EML6: variants seen among roughly 807,000 people sequenced by gnomAD.
EML6 encodes the protein echinoderm microtubule-associated protein-like 6.
Under a neutral mutation model 240.1 loss-of-function variants are expected in EML6, and 154 were observed. The ratio of observed to expected loss-of-function variants is 0.64; its 90% CI spans 0.56 to 0.73. The LOEUF (loss-of-function observed/expected upper bound fraction) is 0.73. Among genes scored for constraint, EML6 ranks in the 30% least tolerant of loss-of-function variants. The pLI is 0.00. For synonymous variants in EML6, 1,148 were observed against 899.0 expected (o/e 1.28, Z -4.95); for missense variants, 2,964 against 2,474.6 (o/e 1.20, Z -4.20).
chr2:54,952,394 T>A (rs1676026810), intron 30 of EML6, among the ~76,000 whole-genome samples, 200 bp from the exon 31 acceptor site: 1 of 151,744 alleles, frequency 6.6e-6, no homozygotes, highest in Non-Finnish European at 1.5e-5. Context: ...GCTCCCCTTC[T>A]CCCAGACCCA....
intron 2 of EML6, among the ~76,000 whole-genome samples, chr2:54,790,205 A>G (rs1669356097): frequency 2.0e-5 from 3 of 152,230 alleles, no homozygotes; most frequent in South Asian, 4.1e-4. Context: ...TAATGAGCCA[A>G]TTGAAAAGCA....
chr2:54,757,065 T>G (rs953629339), intron 2 of EML6, among the ~76,000 whole-genome samples: 1 of 152,104 alleles, frequency 6.6e-6, no homozygotes, highest in Admixed American at 6.5e-5. Context: ...AAAAATTTAC[T>G]GAATTTTTCT....
chr2:54,760,231 A>G (rs1005173910), intron 2 of EML6, among the ~76,000 whole-genome samples: 1 of 151,262 alleles, frequency 6.6e-6, no homozygotes, highest in African/African-American at 2.4e-5. Context: ...ATTTTAGAAC[A>G]TTCCAAATGA....
intron 2 of EML6, among the ~76,000 whole-genome samples, chr2:54,730,792 A>C (rs1475527101): frequency 6.6e-6 from 1 of 152,104 alleles, no homozygotes; most frequent in Non-Finnish European, 1.5e-5. Context: ...GTTGGGTGTA[A>C]TTTATTCTTT....
chr2:54,847,646 G>A (rs1005354857), intron 9 of EML6, 23 bp downstream of exon 9: 6 of 1,550,228 alleles, frequency 3.9e-6, no homozygotes, highest in Non-Finnish European at 5.2e-6. Context: ...GTTGAAAATG[G>A]TATTTAGAAA....
chr2:54,752,375 A>G (rs1352028410), intron 2 of EML6, among the ~76,000 whole-genome samples: 4 of 152,216 alleles, frequency 2.6e-5, no homozygotes, highest in African/African-American at 4.8e-5. Context: ...TAGCAAGGTT[A>G]ATATACCCAT....
chr2:54,800,316 T>C (rs1302959919), intron 2 of EML6, among the ~76,000 whole-genome samples: 2 of 152,124 alleles, frequency 1.3e-5, no homozygotes, highest in Admixed American at 1.3e-4. Flanking sequence ...CAGATGTAGA[T>C]GTTAAAGGTA....
intron 2 of EML6, among the ~76,000 whole-genome samples, chr2:54,751,263 T>C (rs573251207): frequency 9.9e-5 from 15 of 152,264 alleles, no homozygotes; most frequent in Admixed American, 6.5e-4. Context: ...GGATTACTGG[T>C]GTGGAGGACA....
intron 28 of EML6, among the ~76,000 whole-genome samples, chr2:54,928,995 A>G (rs1250244080): frequency 6.7e-6 from 1 of 150,188 alleles, no homozygotes; most frequent in Non-Finnish European, 1.5e-5. Context: ...ATAGACATGA[A>G]ATTTAGTTGG....
At position 54,954,014 on chromosome 2, in the gene EML6, C is replaced by T. The variant is rs1558721985; in HGVS notation, c.4344C>T (p.Ala1448=). 1.0e-5 allele frequency: 16 copies of T among 1,551,840 alleles called. No individual in the cohort carries two copies. Among genetic ancestry groups the T allele is most frequent in the East Asian group, 2.4e-5 (1 of 40,914 alleles). ...GTTPSIHIWD[A]MTKHTLSMLR... ...CACCTTCCATCCACATATGGGACGC[C>T]ATGACCAAACACACCCTCTCCATGC... Residue 1448 remains alanine (A), a synonymous_variant, in exon 32 of 42, where the codon GCC becomes GCT. Coordinates refer to ENST00000356458, the MANE Select transcript of EML6 (RefSeq NM_001039753.4).
intron 2 of EML6, among the ~76,000 whole-genome samples, chr2:54,743,948 G>A (rs1683780178): frequency 6.6e-6 from 1 of 152,110 alleles, no homozygotes; most frequent in South Asian, 2.1e-4. Context: ...GTGGGGTTTT[G>A]GAAGAACCCA....
intron 24 of EML6, among the ~76,000 whole-genome samples, chr2:54,906,122 C>T (rs1673316897): frequency 6.6e-6 from 1 of 152,178 alleles, no homozygotes; most frequent in South Asian, 2.1e-4. Flanking sequence ...CATAGCAGCT[C>T]TACCATTTTA....
Position 54,853,738 on chromosome 2 carries a change from A to G in EML6, c.1540A>G (p.Lys514Glu), listed in dbSNP as rs776223310. The change falls in exon 11 of 42, where the codon AAA becomes GAA. Residue 514 changes from lysine (K) to glutamate (E), a missense_variant. Coordinates refer to ENST00000356458, the MANE Select transcript of EML6 (RefSeq NM_001039753.4). ...CCCTGAAGTGAGTGGAATTTGGCCC[A>G]AATACACTGAGGTTACTGACATCAA... ...KGPEVSGIWP[K>E]YTEVTDINSV... 2 of 1,551,664 alleles carry G rather than the reference A, an allele frequency of 1.3e-6. No homozygotes were observed. The highest frequency in any genetic ancestry group is 2.4e-5 in the South Asian group (2 of 84,066).
At chr2:54,769,113 C>T (rs954993257) in intron 2 of EML6, among the ~76,000 whole-genome samples, 8 of 152,190 alleles carry the variant, frequency 5.3e-5, no homozygotes, top group East Asian at 1.9e-4. Context: ...TTGAGATACC[C>T]GAATCTGACA....
intron 3 of EML6, among the ~76,000 whole-genome samples, chr2:54,813,667 C>A (rs1443150009): frequency 2.0e-5 from 3 of 152,174 alleles, no homozygotes; most frequent in African/African-American, 7.2e-5. Context: ...TCACCATAGC[C>A]CAGTAATTCT....
intron 2 of EML6, among the ~76,000 whole-genome samples, chr2:54,776,421 T>C (rs1047408044): frequency 6.6e-6 from 1 of 152,206 alleles, no homozygotes; most frequent in African/African-American, 2.4e-5. Context: ...AGTTCCCTTT[T>C]CTTGAGTCAG....
intron 16 of EML6, among the ~76,000 whole-genome samples, chr2:54,877,143 T>C (rs1170082566): frequency 6.6e-6 from 1 of 151,974 alleles, no homozygotes; most frequent in Non-Finnish European, 1.5e-5. Flanking sequence ...CTACCATGCT[T>C]AGCTAATTTT....
At chr2:54,853,883 A>T in intron 11 of EML6, 28 bp downstream of exon 11, 1 of 1,462,798 alleles carries the variant, frequency 6.8e-7, no homozygotes, top group Non-Finnish European at 9.4e-7. Flanking sequence ...GTTTCATTGC[A>T]TAAAGATTTA....
At chr2:54,859,799 T>A in intron 12 of EML6, 98 bp downstream of exon 12, 2 of 1,024,838 alleles carry the variant, frequency 2.0e-6, no homozygotes, top group Non-Finnish European at 1.3e-6. Flanking sequence ...ATTTAAGCAA[T>A]TTTGGAAAAT....
Sources: allele counts gnomAD v4.1 joint callset (sites outside exome capture counted in the v4.1 genomes callset), GRCh38; gene constraint gnomAD v4.1.1; transcripts MANE v1.5; gene names NCBI Gene and HGNC (gene_info 2026-07-23, HGNC 2026-07-21).